The following B3GALT1 variants were observed in gnomAD, a reference collection of about 807,000 sequenced individuals.
The protein encoded by B3GALT1 is beta-1,3-galactosyltransferase 1.
Under a neutral mutation model 23.2 loss-of-function variants are expected in B3GALT1, and 10 were observed. The observed-to-expected ratio is 0.43, with a 90% CI of 0.27 to 0.73. The LOEUF is 0.73. B3GALT1 is among the 30% of genes least tolerant of loss of function. The pLI is 0.21. For synonymous variants in B3GALT1, 156 were observed against 141.5 expected (o/e 1.10, Z -0.73); for missense variants, 299 against 405.4 (o/e 0.74, Z 2.25).
At chr2:167,601,802 C>T (rs2105424426) in intron 2 of B3GALT1, among the ~76,000 whole-genome samples, 1 of 152,320 alleles carries the variant, frequency 6.6e-6, no homozygotes, top group East Asian at 1.9e-4. Context: ...TTATCCACAA[C>T]TGTATGTGAT....
intron 1 of B3GALT1, among the ~76,000 whole-genome samples, chr2:167,481,397 CAATA>C (rs1230915122): frequency 1.3e-5 from 2 of 148,406 alleles, no homozygotes; most frequent in Non-Finnish European, 3.0e-5. Context: ...AAAAACAAAA[CAATA>C]AATGTTTTAA....
At chr2:167,332,579 G>A (rs1406994205) in intron 1 of B3GALT1, among the ~76,000 whole-genome samples, 1 of 152,214 alleles carries the variant, frequency 6.6e-6, no homozygotes, top group African/African-American at 2.4e-5. Flanking sequence ...GTTAGGAAAG[G>A]TAGGTGCATG....
chr2:167,514,531 A>G (rs1700073569), intron 2 of B3GALT1, among the ~76,000 whole-genome samples: 1 of 152,196 alleles, frequency 6.6e-6, no homozygotes, highest in Admixed American at 6.5e-5. Context: ...CTAAGGAGAA[A>G]GTTAGTTTAC....
chr2:167,775,264 G>C (rs1451872988), intron 3 of B3GALT1, among the ~76,000 whole-genome samples: 1 of 152,046 alleles, frequency 6.6e-6, no homozygotes, highest in African/African-American at 2.4e-5. Flanking sequence ...TGCAATAAAA[G>C]GTGTGTTTAA....
chr2:167,817,344 A>G (rs1689014902), intron 3 of B3GALT1, among the ~76,000 whole-genome samples: 1 of 152,238 alleles, frequency 6.6e-6, no homozygotes, highest in South Asian at 2.1e-4. Context: ...TAGTTGTTAC[A>G]AATACTAGCT....
intron 3 of B3GALT1, among the ~76,000 whole-genome samples, chr2:167,769,924 G>A (rs1263686601): frequency 4.6e-5 from 7 of 152,132 alleles, no homozygotes; most frequent in Admixed American, 4.6e-4. Flanking sequence ...TAAAATGTAT[G>A]GGTCATATAG....
intron 2 of B3GALT1, among the ~76,000 whole-genome samples, chr2:167,522,263 T>G (rs1056490893): frequency 1.3e-5 from 2 of 151,908 alleles, no homozygotes; most frequent in Non-Finnish European, 1.5e-5. Context: ...CTGTTAGGAT[T>G]TTTTGAGAAG....
At chr2:167,682,252 C>A (rs1049255751) in intron 3 of B3GALT1, among the ~76,000 whole-genome samples, 4 of 152,138 alleles carry the variant, frequency 2.6e-5, no homozygotes, top group Non-Finnish European at 4.4e-5. Flanking sequence ...ATGGAATGAG[C>A]TTTTACAAAA....
chr2:167,316,296 A>G (rs769930785), intron 1 of B3GALT1, among the ~76,000 whole-genome samples: 9 of 152,074 alleles, frequency 5.9e-5, no homozygotes, highest in Admixed American at 1.3e-4. Flanking sequence ...TTCAACTCAC[A>G]AAAACCTTTA....
chr2:167,471,701 A>G (rs1275889614), intron 1 of B3GALT1, among the ~76,000 whole-genome samples: 1 of 152,210 alleles, frequency 6.6e-6, no homozygotes, highest in Non-Finnish European at 1.5e-5. Context: ...ATTATTCAAT[A>G]TATCTAAACT....
intron 2 of B3GALT1, among the ~76,000 whole-genome samples, chr2:167,594,931 C>T (rs1162280082): frequency 6.6e-6 from 1 of 151,974 alleles, no homozygotes; most frequent in Non-Finnish European, 1.5e-5. Flanking sequence ...GAAACAAAAA[C>T]TTGGATAATG....
At chr2:167,865,440 C>T (rs1035553743) in intron 4 of B3GALT1, among the ~76,000 whole-genome samples, 5 of 152,088 alleles carry the variant, frequency 3.3e-5, no homozygotes, top group South Asian at 2.1e-4. Context: ...TCTCACTCTT[C>T]TAAGAAATAG....
At chr2:167,453,805 G>A (rs990968468) in intron 1 of B3GALT1, among the ~76,000 whole-genome samples, 24 of 152,324 alleles carry the variant, frequency 1.6e-4, no homozygotes, top group African/African-American at 5.5e-4. Context: ...AAGGAGGAAG[G>A]TAGTGATCAG....
At chr2:167,329,178 C>T (rs1696937743) in intron 1 of B3GALT1, among the ~76,000 whole-genome samples, 1 of 152,164 alleles carries the variant, frequency 6.6e-6, no homozygotes, top group Non-Finnish European at 1.5e-5. Flanking sequence ...GAATCTTTTG[C>T]TCTACCCTAC....
intron 2 of B3GALT1, among the ~76,000 whole-genome samples, chr2:167,608,354 C>T (rs542393981): frequency 2.0e-5 from 3 of 152,134 alleles, no homozygotes; most frequent in African/African-American, 4.8e-5. Flanking sequence ...ACGTATTTGG[C>T]GTATAGCATA....
intron 2 of B3GALT1, among the ~76,000 whole-genome samples, chr2:167,620,929 A>G (rs16853975): frequency 0.057 from 8,658 of 152,034 alleles, 571 homozygotes; most frequent in African/African-American, 0.16. Context: ...TAACCTTATC[A>G]TCATCCAGAG....
At chr2:167,748,318 C>T (rs1049099439) in intron 3 of B3GALT1, among the ~76,000 whole-genome samples, 3 of 152,052 alleles carry the variant, frequency 2.0e-5, no homozygotes, top group Non-Finnish European at 4.4e-5. Context: ...CAGTTATCCA[C>T]CGAGATGAGC....
intron 4 of B3GALT1, among the ~76,000 whole-genome samples, chr2:167,842,795 G>C (rs1689676760): frequency 6.6e-6 from 1 of 152,096 alleles, no homozygotes; most frequent in South Asian, 2.1e-4. Context: ...GATTACTTGA[G>C]CCCAAGAGGT....
intron 2 of B3GALT1, among the ~76,000 whole-genome samples, chr2:167,611,781 G>A (rs1685070883): frequency 6.6e-6 from 1 of 151,814 alleles, no homozygotes; most frequent in Admixed American, 6.6e-5. Flanking sequence ...GGTAAAATAC[G>A]ATGCACCTGG....
Sources: gnomAD v4.1 joint callset for allele counts (sites outside exome capture counted in the v4.1 genomes callset) on GRCh38, gnomAD v4.1.1 for gene constraint, MANE v1.5 for transcripts, NCBI Gene and HGNC (gene_info 2026-07-23, HGNC 2026-07-21) for gene names.